Variants in ANO3 observed in about 807,000 individuals in gnomAD.
ANO3 encodes the protein anoctamin-3.
Under a neutral mutation model 144.8 loss-of-function variants are expected in ANO3, and 99 were observed. That is an observed-to-expected ratio of 0.68 (90% CI 0.58 to 0.81). ANO3 has a LOEUF of 0.81. Ranked by LOEUF, ANO3 falls within the 30% of genes least tolerant of loss-of-function variation. The probability of loss-of-function intolerance (pLI) is 0.00; values close to 1 mark genes in which losing one functional copy is unlikely to be tolerated. For synonymous variants in ANO3, 414 were observed against 392.6 expected (o/e 1.05, Z -0.64); for missense variants, 905 against 1,202.2 (o/e 0.75, Z 3.66).
In ANO3 at chr11:26,275,854, A is replaced by T. The variant is rs116392053; in HGVS notation, c.155-33791A>T. Among the ~76,000 whole-genome samples the T allele has an allele frequency of 5.5e-3, 833 of 152,288 alleles. 3 individuals carry two copies. The highest frequency in any genetic ancestry group is 0.019 in the African/African-American group (798 of 41,564). On this transcript the variant is annotated intron_variant, in intron 1 of 27. Coordinates refer to the ANO3 transcript ENST00000672621. ...TCTCCTTTTTAGCTAAAGAACTTTA[A>T]TTAAATAATCTTGCTTTTAATTCTC...
chr11:26,484,689 A>AAATCCACTG (rs1860372110), intron 4 of ANO3, among the ~76,000 whole-genome samples: 1 of 152,138 alleles, frequency 6.6e-6, no homozygotes, highest in African/African-American at 2.4e-5. Flanking sequence ...CCAGAATGTT[A>AAATCCACTG]AATCCACTGA....
chr11:26,550,575 T>C (rs975437563), intron 12 of ANO3, among the ~76,000 whole-genome samples: 3 of 152,086 alleles, frequency 2.0e-5, no homozygotes, highest in Non-Finnish European at 4.4e-5. Context: ...TCTAGGTTTA[T>C]CCATGTTATC....
intron 1 of ANO3, among the ~76,000 whole-genome samples, chr11:26,198,857 T>C (rs1851638329): frequency 6.6e-6 from 1 of 152,178 alleles, no homozygotes; most frequent in Admixed American, 6.5e-5. Flanking sequence ...TTAATGTTTA[T>C]GCCTAATTTG....
intron 1 of ANO3, among the ~76,000 whole-genome samples, chr11:26,218,360 T>A (rs1478742537): frequency 6.6e-6 from 1 of 152,116 alleles, no homozygotes; most frequent in African/African-American, 2.4e-5. Context: ...ATTTCTCTAA[T>A]TTTTTTATTA....
intron 1 of ANO3, among the ~76,000 whole-genome samples, chr11:26,249,309 G>T (rs1394698701): frequency 6.6e-6 from 1 of 152,170 alleles, no homozygotes; most frequent in Non-Finnish European, 1.5e-5. Flanking sequence ...CTTAAAAAAA[G>T]AATGTATTAT....
At position 26,591,470 on chromosome 11, in the gene ANO3, A is replaced by G. The variant is rs542568284; in HGVS notation, c.1448-6895A>G. Reference sequence around the variant, plus strand: ...TTACAACTTCGATTCTGGAAGAGACATACTTAACAAGGAGGTTAAAGATAC... The same window carrying G: ...TTACAACTTCGATTCTGGAAGAGACGTACTTAACAAGGAGGTTAAAGATAC... On this transcript the variant is annotated intron_variant, in intron 14 of 26. Transcript: ENST00000256737. 6.6e-5 allele frequency among the ~76,000 whole-genome samples: 10 copies of G among 152,308 alleles called. No individual in the cohort carries two copies. In the East Asian group the frequency reaches 1.7e-3, roughly 26 times the overall value.
intron 4 of ANO3, among the ~76,000 whole-genome samples, chr11:26,477,280 G>C (rs543146193): frequency 4.5e-4 from 69 of 152,158 alleles, no homozygotes; most frequent in Non-Finnish European, 6.6e-4. Context: ...TAAGAATTAT[G>C]CTTTATATCA....
At chr11:26,218,311 C>T (rs1852073890) in intron 1 of ANO3, among the ~76,000 whole-genome samples, 1 of 151,820 alleles carries the variant, frequency 6.6e-6, no homozygotes, top group African/African-American at 2.4e-5. Context: ...AAGAAAATGT[C>T]CTTTTCCTGG....
At chr11:26,447,713 C>G (rs1246610496) in intron 3 of ANO3, among the ~76,000 whole-genome samples, 1 of 151,836 alleles carries the variant, frequency 6.6e-6, no homozygotes, top group Non-Finnish European at 1.5e-5. Flanking sequence ...CATCACATAA[C>G]CTTTAATTCT....
intron 1 of ANO3, among the ~76,000 whole-genome samples, chr11:26,410,215 C>T (rs977771148): frequency 2.6e-5 from 4 of 151,882 alleles, no homozygotes; most frequent in African/African-American, 9.7e-5. Flanking sequence ...GGTAGTTTTA[C>T]AACATAGTTG....
intron 12 of ANO3, among the ~76,000 whole-genome samples, chr11:26,551,949 T>C (rs1849944647): frequency 6.6e-6 from 1 of 151,992 alleles, no homozygotes; most frequent in Non-Finnish European, 1.5e-5. Flanking sequence ...TAATAAATTA[T>C]TACTTGATAG....
intron 1 of ANO3, among the ~76,000 whole-genome samples, chr11:26,438,529 C>T (rs1278616842): frequency 7.3e-6 from 1 of 136,908 alleles, no homozygotes. Context: ...GGTGGATCAC[C>T]TGAGGTCAGG....
intron 1 of ANO3, among the ~76,000 whole-genome samples, chr11:26,266,522 C>T (rs983580526): frequency 4.6e-5 from 7 of 151,092 alleles, no homozygotes; most frequent in African/African-American, 1.2e-4. Context: ...CAACCTCTGC[C>T]TCCCGGGTTC....
At chr11:26,289,041 C>T (rs1853873525) in intron 1 of ANO3, among the ~76,000 whole-genome samples, 1 of 152,158 alleles carries the variant, frequency 6.6e-6, no homozygotes, top group Non-Finnish European at 1.5e-5. Context: ...GGAGTGCCTA[C>T]TGTCAAGCAA....
chr11:26,270,287 A>G (rs1302272673), intron 1 of ANO3, among the ~76,000 whole-genome samples: 1 of 152,154 alleles, frequency 6.6e-6, no homozygotes, highest in Non-Finnish European at 1.5e-5. Context: ...TGTCCTGAAG[A>G]TAATATTTAA....
intron 1 of ANO3, among the ~76,000 whole-genome samples, chr11:26,205,563 G>A (rs1196066757): frequency 2.0e-5 from 3 of 152,186 alleles, no homozygotes; most frequent in South Asian, 2.1e-4. Context: ...ATATTTTGAT[G>A]TATGGTCAGC....
intron 3 of ANO3, among the ~76,000 whole-genome samples, chr11:26,460,394 T>A (rs1344807601): frequency 2.1e-5 from 2 of 96,704 alleles, no homozygotes; most frequent in African/African-American, 8.2e-5. Context: ...TTCTCCAGTA[T>A]ACCAAGAAAG....
chr11:26,286,738 T>C (rs543778775), intron 1 of ANO3, among the ~76,000 whole-genome samples: 5 of 152,156 alleles, frequency 3.3e-5, no homozygotes, highest in Admixed American at 3.3e-4. Context: ...CCATACAAGA[T>C]AGACACAAAG....
At chr11:26,426,069 C>G (rs988114594) in intron 1 of ANO3, among the ~76,000 whole-genome samples, 9 of 152,092 alleles carry the variant, frequency 5.9e-5, no homozygotes, top group Non-Finnish European at 8.8e-5. Flanking sequence ...GAAACACACA[C>G]TTATTACATA....
Sources: allele counts gnomAD v4.1 joint callset (sites outside exome capture counted in the v4.1 genomes callset), GRCh38; gene constraint gnomAD v4.1.1; transcripts MANE v1.5; gene names NCBI Gene and HGNC (gene_info 2026-07-23, HGNC 2026-07-21).